The following PEX5 variants were observed in gnomAD, a reference collection of about 807,000 sequenced individuals.
PEX5 encodes the protein peroxisomal biogenesis factor 5.
Under a neutral mutation model 82.9 loss-of-function variants are expected in PEX5, and 52 were observed. That is an observed-to-expected ratio of 0.63 (90% confidence interval 0.50 to 0.79). The LOEUF (loss-of-function observed/expected upper bound fraction) is 0.79. Among genes scored for constraint, PEX5 ranks in the 30% least tolerant of loss-of-function variants. The pLI, the probability that PEX5 is intolerant of heterozygous loss-of-function variation, is 0.00. For synonymous variants in PEX5, 300 were observed against 318.8 expected, an observed-to-expected ratio of 0.94 and a Z score of 0.63; for missense variants, 719 against 815.2, an observed-to-expected ratio of 0.88 and a Z score of 1.44.
At position 7,207,684 on chromosome 12, in the gene PEX5, C is replaced by G. The variant is rs748569329; in HGVS notation, c.992C>G (p.Pro331Arg). 2 of 1,614,106 alleles carry G rather than the reference C, an allele frequency of 1.2e-6. No individual in the cohort carries two copies. The highest frequency in any genetic ancestry group is 1.7e-5 in the Admixed American group (1 of 60,020). Residue 331 changes from proline to arginine, a missense_variant, in exon 11 of 16, where the codon CCC becomes CGC. Physicochemically the swap from Pro to Arg is moderately radical, Grantham distance 103. Coordinates refer to ENST00000675855, the MANE Select transcript of PEX5 (RefSeq NM_001351132.2). ...GGGTACCAGTTTGAGGAGGAGAACC[C>G]CTTGCGTGATCACCCTCAGCCTTTT... ...DKGYQFEEENPLRDHPQPFEE... is the reference protein window; with the variant it reads ...DKGYQFEEENRLRDHPQPFEE...
At chr12:7,211,976 T>C (rs1945613914), downstream of PEX5, among the ~76,000 whole-genome samples, 1 of 151,456 alleles carries the variant, frequency 6.6e-6, no homozygotes, top group African/African-American at 2.4e-5. Context: ...TTTGTTTTTT[T>C]TTTTTTAAGG....
Position 7,210,044 on chromosome 12 carries a change from G to A in PEX5, c.1741G>A (p.Glu581Lys), listed in dbSNP as rs1430787674. ...AHREAVEHFL[E>K]ALNMQRKSRG... Reference sequence around the variant, plus strand: ...CAGGGAGGCTGTGGAGCACTTTCTGGAGGCCCTGAACATGCAGAGGAAAAG... The same window carrying A: ...CAGGGAGGCTGTGGAGCACTTTCTGAAGGCCCTGAACATGCAGAGGAAAAG... The change falls in exon 16 of 16, where the codon GAG (glutamate) becomes AAG (lysine). Residue 581 changes from glutamate (E) to lysine (K), a missense_variant. Coordinates refer to ENST00000675855, the MANE Select transcript of PEX5 (RefSeq NM_001351132.2). 6.2e-7 allele frequency: 1 copy of A among 1,614,168 alleles called. No individual in the cohort carries two copies. Among genetic ancestry groups the A allele is most frequent in the South Asian group, 1.1e-5 (1 of 91,090 alleles).
At chr12:7,196,228 ATAATT>A (rs1303751804) in intron 5 of PEX5, among the ~76,000 whole-genome samples, 2 of 39,302 alleles carry the variant, frequency 5.1e-5, no homozygotes, top group East Asian at 9.8e-4. Context: ...TATGTCATAT[ATAATT>A]TAATTATATG....
downstream of PEX5, among the ~76,000 whole-genome samples, chr12:7,212,208 A>G (rs4268580): frequency 0.73 from 111,359 of 151,532 alleles, 41,669 homozygotes; most frequent in South Asian, 0.83. Context: ...CAGGCAATCC[A>G]CCCACCTCGG....
At chr12:7,206,754 G>T (rs1257760251) in intron 10 of PEX5, among the ~76,000 whole-genome samples, 1 of 152,068 alleles carries the variant, frequency 6.6e-6, no homozygotes, top group Non-Finnish European at 1.5e-5. Flanking sequence ...ATTTTGTACA[G>T]TTTTATCTGA....
chr12:7,193,231 A>ATTTTTTTTTT (rs1317654671), intron 5 of PEX5, among the ~76,000 whole-genome samples: 1 of 131,106 alleles, frequency 7.6e-6, no homozygotes, highest in African/African-American at 2.8e-5. Context: ...GGCTCTTGAG[A>ATTTTTTTTTT]TTCTTTTTTT....
Position 7,203,351 on chromosome 12 carries a change from A to G in PEX5, c.847-81A>G. 2.7e-6 allele frequency: 4 copies of G among 1,475,030 alleles called. No homozygotes were observed. The South Asian group carries it at 3.8e-5, about 14-fold the overall frequency. The allele number at this position is 1,475,030 out of a possible 1,614,324, so 91.4% of individuals were successfully genotyped here. ...ATTGAAATTCAAGAACTGCTGCCTT[A>G]GAGAATCCCAGCAGAGCTGAGTGTG... On this transcript the variant is annotated intron_variant, in intron 9 of 15. Coordinates refer to ENST00000675855, the MANE Select transcript of PEX5 (RefSeq NM_001351132.2).
At chr12:7,190,686 A>G in intron 2 of PEX5, 162 bp downstream of exon 2, 2 of 1,462,962 alleles carry the variant, frequency 1.4e-6, no homozygotes, top group Non-Finnish European at 1.9e-6. Context: ...ACATCTTGGT[A>G]TAACTGCTTT....
chr12:7,211,630 C>T (rs752656585), downstream of PEX5: 2 of 151,688 alleles, frequency 1.3e-5, no homozygotes, highest in Non-Finnish European at 2.9e-5. Flanking sequence ...GAGACAGGGT[C>T]CCTGTTCTCT....
intron 17 of PEX5, among the ~76,000 whole-genome samples, chr12:7,217,055 A>C (rs1378085432): frequency 6.6e-6 from 1 of 152,088 alleles, no homozygotes; most frequent in Non-Finnish European, 1.5e-5. Context: ...ATTTGAAAAA[A>C]CCTTTCCCAA....
Position 7,196,405 on chromosome 12 carries a change from T to TCATATATAATGTAATAATTATATGTGC in PEX5, c.449-2584_449-2558dup, listed in dbSNP as rs1942254868. Among the ~76,000 whole-genome samples the TCATATATAATGTAATAATTATATGTGC allele has an allele frequency of 3.7e-5, 5 of 134,832 alleles. 1 individual carries two copies. Among genetic ancestry groups the TCATATATAATGTAATAATTATATGTGC allele is most frequent in the Non-Finnish European group, 7.7e-5 (5 of 64,776 alleles). The allele number at this position is 134,832 out of a possible 152,430, so 88.5% of individuals were successfully genotyped here. A position where few individuals can be genotyped will look rare whatever the true frequency, so the allele number is the denominator to read the frequency against. On this transcript the variant is annotated intron_variant, in intron 5 of 15. Coordinates refer to ENST00000675855, the MANE Select transcript of PEX5 (RefSeq NM_001351132.2). ...TAATTATGTGTCATACATATATGTG[T>TCATATATAATGTAATAATTATATGTGC]CATATATAATGTAATAATTATATGT...
intron 6 of PEX5, among the ~76,000 whole-genome samples, chr12:7,201,505 G>C (rs1024414854): frequency 6.6e-6 from 1 of 151,954 alleles, no homozygotes. Context: ...TCTTAATTTT[G>C]AGCCTGCTAC....
intron 6 of PEX5, among the ~76,000 whole-genome samples, chr12:7,199,668 A>G (rs769465865): frequency 2.7e-5 from 4 of 150,270 alleles, no homozygotes; most frequent in African/African-American, 9.7e-5. Context: ...CCCCTTTTCT[A>G]TTCCACAAAA....
chr12:7,211,969 GTT>G (rs371831157), downstream of PEX5, among the ~76,000 whole-genome samples: 63,826 of 139,846 alleles, frequency 0.46, 14,838 homozygotes, highest in Admixed American at 0.61. Flanking sequence ...TTTTTTTTTT[GTT>G]TTTTTTTTTT....
chr12:7,194,432 A>G (rs1175743109), intron 5 of PEX5, among the ~76,000 whole-genome samples: 1 of 152,198 alleles, frequency 6.6e-6, no homozygotes, highest in Non-Finnish European at 1.5e-5. Context: ...CCTTGTTTCA[A>G]TCCTCAGAGT....
At position 7,208,575 on chromosome 12, in the gene PEX5, C is replaced by G. The variant is rs767707718; in HGVS notation, c.1300C>G (p.Pro434Ala). 2 of 1,613,780 alleles carry G rather than the reference C, an allele frequency of 1.2e-6. No homozygotes were observed. Among genetic ancestry groups the G allele is most frequent in the Admixed American group, 1.7e-5 (1 of 60,004 alleles). The change falls in exon 13 of 16, where the codon CCA (proline) becomes GCA (alanine). Residue 434 changes from proline to alanine, a missense_variant. Transcript: ENST00000675855. ...ETLRDWLRYT[P>A]AYAHLVTPAE... is the part of the protein sequence containing the mutation. ...CCTACGAGACTGGCTGCGGTACACACCAGCCTATGCCCATCTGGTGACACC... is the reference window on the plus strand; with the variant it reads ...CCTACGAGACTGGCTGCGGTACACAGCAGCCTATGCCCATCTGGTGACACC...
chr12:7,204,450 T>G (rs1432143822), intron 10 of PEX5, among the ~76,000 whole-genome samples: 1 of 152,184 alleles, frequency 6.6e-6, no homozygotes, highest in Non-Finnish European at 1.5e-5. Context: ...TGAGAGCCAG[T>G]GAAGAACAGT....
Position 7,201,605 on chromosome 12 carries a change from T to C in PEX5, c.552-146T>C, listed in dbSNP as rs185611606. The C allele has an allele frequency of 2.2e-3, 1,579 of 712,456 alleles. 6 individuals are homozygous for C. Among genetic ancestry groups the C allele is most frequent in the Non-Finnish European group, 3.0e-3 (1,161 of 388,496 alleles). 44.1% of individuals were successfully genotyped at this position (712,456 alleles called of 1,614,324 possible). A position where few individuals can be genotyped will look rare whatever the true frequency, so the allele number is the denominator to read the frequency against. ...TCACACTCCTGCCCAAATGTCCTTCTATAATGCAAATTGGAGTTTGTAGGT... is the reference window on the plus strand; with the variant it reads ...TCACACTCCTGCCCAAATGTCCTTCCATAATGCAAATTGGAGTTTGTAGGT... On this transcript the variant is annotated intron_variant, in intron 6 of 15. Transcript: ENST00000675855.
At chr12:7,206,168 A>G (rs1431787865) in intron 10 of PEX5, among the ~76,000 whole-genome samples, 1 of 152,264 alleles carries the variant, frequency 6.6e-6, no homozygotes, top group Non-Finnish European at 1.5e-5. Context: ...GGCAAGGGCC[A>G]GCACACTGGC....
Sources: allele counts gnomAD v4.1 joint callset (sites outside exome capture counted in the v4.1 genomes callset), GRCh38; gene constraint gnomAD v4.1.1; transcripts MANE v1.5; gene names NCBI Gene and HGNC (gene_info 2026-07-23, HGNC 2026-07-21).